The following ST6GALNAC4 variants were observed in gnomAD, a reference collection of about 807,000 sequenced individuals.
The protein encoded by ST6GALNAC4 is ST6 N-acetylgalactosaminide alpha-2,6-sialyltransferase 4, also known as alpha-N-acetyl-neuraminyl-2,3-beta-galactosyl-1,3-N-acetyl-galactosaminide alpha-2,6-sialyltransferase.
Under a neutral mutation model 30.4 loss-of-function variants are expected in ST6GALNAC4, and 24 were observed. The ratio of observed to expected loss-of-function variants is 0.79; its 90% CI spans 0.57 to 1.11. ST6GALNAC4 has a LOEUF of 1.11. Ranked by LOEUF, ST6GALNAC4 falls within the 50% of genes most tolerant of loss-of-function variation. ST6GALNAC4 has a pLI of 0.00. For synonymous variants in ST6GALNAC4, 156 were observed against 179.7 expected (o/e 0.87, Z 1.05); for missense variants, 365 against 430.1 (o/e 0.85, Z 1.34).
rs1028729755 is a variant in ST6GALNAC4 at position 127,910,292 on chromosome 9, G to A, written c.612-234C>T. Reference sequence around the variant, plus strand: ...ACCTCCTCAGCACCCAGCGGGGCTCGGGCCCAGCTACGCTTTGCAGGGTTT... The same window carrying A: ...ACCTCCTCAGCACCCAGCGGGGCTCAGGCCCAGCTACGCTTTGCAGGGTTT... On this transcript the variant is annotated intron_variant, in intron 4 of 5. Coordinates refer to ENST00000335791, the MANE Select transcript of ST6GALNAC4 (RefSeq NM_175039.4). 133 of 1,311,464 alleles carry A rather than the reference G, an allele frequency of 1.0e-4. No individual in the cohort carries two copies. The Middle Eastern group carries it at 2.1e-3, about 21-fold the overall frequency. The allele number at this position is 1,311,464 out of a possible 1,614,324, so 81.2% of individuals were successfully genotyped here. A position where few individuals can be genotyped will look rare whatever the true frequency, so the allele number is the denominator to read the frequency against.
intron 4 of ST6GALNAC4, chr9:127,910,376 G>A: frequency 1.8e-6 from 2 of 1,139,766 alleles, no homozygotes; most frequent in South Asian, 2.0e-5. Flanking sequence ...CTCATCTAAG[G>A]GACCAGGCCT....
intron 3 of ST6GALNAC4, 31 bp from the exon 4 acceptor site, chr9:127,912,711 G>C: frequency 6.5e-7 from 1 of 1,528,224 alleles, no homozygotes; most frequent in East Asian, 2.3e-5. Context: ...AAGAGACAGA[G>C]AGGCATGAAC....
intron 1 of ST6GALNAC4, among the ~76,000 whole-genome samples, 162 bp from the exon 2 acceptor site, chr9:127,916,656 A>G (rs1831200944): frequency 6.6e-6 from 1 of 152,192 alleles, no homozygotes; most frequent in African/African-American, 2.4e-5. Flanking sequence ...CAATGTCCCC[A>G]TCCTAAAGGA....
At chr9:127,911,854 C>T (rs1831080629) in intron 4 of ST6GALNAC4, among the ~76,000 whole-genome samples, 2 of 151,088 alleles carry the variant, frequency 1.3e-5, no homozygotes, top group East Asian at 3.9e-4. Context: ...AACTCCTGAC[C>T]TCAAGTGATC....
intron 2 of ST6GALNAC4, chr9:127,916,062 C>G: frequency 2.4e-6 from 1 of 421,332 alleles, no homozygotes. Context: ...GAACTGCCCC[C>G]CACATCCAGC....
chr9:127,910,243 C>T (rs771103173), intron 4 of ST6GALNAC4, 185 bp from the exon 5 acceptor site: 172 of 1,395,632 alleles, frequency 1.2e-4, no homozygotes, highest in Non-Finnish European at 1.4e-4. Flanking sequence ...ACAGGCAGAG[C>T]GGCACACAAA....
chr9:127,909,347 C>T (rs914245795), intron 5 of ST6GALNAC4, among the ~76,000 whole-genome samples: 5 of 150,864 alleles, frequency 3.3e-5, no homozygotes, highest in African/African-American at 1.2e-4. Flanking sequence ...CAAGATCGCG[C>T]CACTGCACTC....
intron 4 of ST6GALNAC4, 21 bp downstream of exon 4, chr9:127,912,247 G>A (rs1406562917): frequency 6.3e-7 from 1 of 1,588,034 alleles, no homozygotes. Context: ...AGAGACCCCA[G>A]CAGGCAGGCC....
intron 4 of ST6GALNAC4, 66 bp from the exon 5 acceptor site, chr9:127,910,124 G>A (rs1260559812): frequency 5.1e-6 from 8 of 1,581,034 alleles, no homozygotes; most frequent in South Asian, 3.4e-5. Context: ...CCAGGCCCCA[G>A]CAGCACTTGG....
At chr9:127,909,621 A>G (rs557829422) in intron 5 of ST6GALNAC4, among the ~76,000 whole-genome samples, 2 of 151,784 alleles carry the variant, frequency 1.3e-5, no homozygotes, top group South Asian at 2.1e-4. Context: ...TTTGTAGATT[A>G]TTCCCTCCCT....
chr9:127,916,090 G>A (rs1831188536), intron 2 of ST6GALNAC4: 3 of 483,634 alleles, frequency 6.2e-6, no homozygotes, highest in Non-Finnish European at 7.4e-6. Flanking sequence ...CTCACAGCCC[G>A]GGGCTTCTGC....
At chr9:127,909,338 A>G (rs12552745) in intron 5 of ST6GALNAC4, among the ~76,000 whole-genome samples, 33,100 of 150,598 alleles carry the variant, frequency 0.22, 3,930 homozygotes, top group Admixed American at 0.28. Context: ...GCAGTGAGCC[A>G]AGATCGCGCC....
intron 2 of ST6GALNAC4, 57 bp from the exon 3 acceptor site, chr9:127,914,898 C>T (rs1458495240): frequency 2.9e-6 from 4 of 1,402,792 alleles, no homozygotes; most frequent in African/African-American, 1.5e-5. Flanking sequence ...CCAGAAGCCC[C>T]TTCAGCGCTG....
At chr9:127,913,974 G>A (rs1022306402) in intron 3 of ST6GALNAC4, among the ~76,000 whole-genome samples, 1 of 152,172 alleles carries the variant, frequency 6.6e-6, no homozygotes, top group African/African-American at 2.4e-5. Flanking sequence ...ACCGGTGGCG[G>A]GAGGCTGAAG....
intron 4 of ST6GALNAC4, chr9:127,910,332 A>G (rs1247650506): frequency 1.6e-6 from 2 of 1,220,684 alleles, no homozygotes; most frequent in Non-Finnish European, 2.1e-6. Context: ...AAACCCCTGG[A>G]TGATGGGTGT....
intron 5 of ST6GALNAC4, among the ~76,000 whole-genome samples, chr9:127,909,550 GATAT>G (rs138520698): frequency 6.9e-6 from 1 of 145,666 alleles, no homozygotes; most frequent in African/African-American, 2.5e-5. Context: ...ACATATCACT[GATAT>G]ATATATATAT....
chr9:127,909,550 G>GATATATAT (rs138520698), intron 5 of ST6GALNAC4, among the ~76,000 whole-genome samples: 94 of 145,678 alleles, frequency 6.5e-4, no homozygotes, highest in Middle Eastern at 7.4e-3. Flanking sequence ...ACATATCACT[G>GATATATAT]ATATATATAT....
At chr9:127,910,920 G>A (rs1434008581) in intron 4 of ST6GALNAC4, among the ~76,000 whole-genome samples, 1 of 152,174 alleles carries the variant, frequency 6.6e-6, no homozygotes, top group Non-Finnish European at 1.5e-5. Flanking sequence ...GGAAACAAAG[G>A]AATGGATAAA....
rs1564501677 is a variant in ST6GALNAC4 at position 127,909,986 on chromosome 9, G to A, written c.684C>T (p.Ile228=). 1.3e-5 allele frequency: 21 copies of A among 1,613,482 alleles called. No homozygotes were observed. The highest frequency in any genetic ancestry group is 8.8e-5 in the South Asian group (8 of 91,086). The stretch of plus-strand genomic sequence containing the variant: ...TGTCGCTGACCATCCCATAGACCAC[G>A]ATCTCCTCACACAGCTCCAGCGCGA... ...MILALELCEE[I]VVYGMVSDSY... is the part of the protein sequence containing the mutation. The change falls in exon 5 of 6, where the codon ATC becomes ATT. Residue 228 remains isoleucine, a synonymous_variant. Coordinates refer to ENST00000335791, the MANE Select transcript of ST6GALNAC4 (RefSeq NM_175039.4).
Sources: allele counts gnomAD v4.1 joint callset (sites outside exome capture counted in the v4.1 genomes callset), GRCh38; gene constraint gnomAD v4.1.1; transcripts MANE v1.5; gene names NCBI Gene and HGNC (gene_info 2026-07-23, HGNC 2026-07-21).